Variants in URB2 observed in about 807,000 individuals in gnomAD.
The protein encoded by URB2 is unhealthy ribosome biogenesis protein 2 homolog.
URB2 carries 86 observed loss-of-function variants against 120.9 expected under a neutral mutation model. That is an observed-to-expected ratio of 0.71 (90% CI 0.60 to 0.85). The LOEUF (loss-of-function observed/expected upper bound fraction) is 0.85, where lower values mean the gene tolerates loss of function less well. Among genes scored for constraint, URB2 ranks in the 40% least tolerant of loss-of-function variants. The probability of loss-of-function intolerance (pLI) is 0.00; values close to 1 mark genes in which losing one functional copy is unlikely to be tolerated. For missense variants in URB2, 1,765 were observed against 1,836.5 expected (o/e 0.96, Z 0.71); for synonymous variants, 755 against 758.4 (o/e 1.00, Z 0.07).
chr1:229,634,708 G>C (rs564100361), intron 3 of URB2, among the ~76,000 whole-genome samples: 1 of 152,170 alleles, frequency 6.6e-6, no homozygotes, highest in African/African-American at 2.4e-5. Flanking sequence ...GGTAGAAGAT[G>C]GATGGGTGGA....
intron 7 of URB2, among the ~76,000 whole-genome samples, chr1:229,648,343 A>C (rs181180326): frequency 6.6e-6 from 1 of 152,344 alleles, no homozygotes; most frequent in East Asian, 1.9e-4. Flanking sequence ...TAAGGCATAC[A>C]CAATCTATAC....
At chr1:229,631,121 C>T (rs1463975856) in intron 2 of URB2, among the ~76,000 whole-genome samples, 2 of 152,074 alleles carry the variant, frequency 1.3e-5, no homozygotes, top group Non-Finnish European at 2.9e-5. Context: ...ATAACTTCAC[C>T]TGGAACTTTT....
At position 229,637,488 on chromosome 1, in the gene URB2, C is replaced by G; in HGVS notation, c.2875C>G (p.Arg959Gly). 1 of 1,614,148 alleles carries G rather than the reference C, an allele frequency of 6.2e-7. No homozygotes were observed. The highest frequency in any genetic ancestry group is 8.5e-7 in the Non-Finnish European group (1 of 1,180,040). The change falls in exon 4 of 10, where the codon CGC (arginine) becomes GGC (glycine). Residue 959 changes from arginine (R) to glycine (G), a missense_variant. By Grantham distance (125) the Arg-to-Gly change is moderately radical. Transcript: ENST00000258243. Reference sequence around the variant, plus strand: ...TTACTTGCAAAAGGGGAAAAGTGCTCGCTCTGTGTTCAAGATCATGTATGG... The same window carrying G: ...TTACTTGCAAAAGGGGAAAAGTGCTGGCTCTGTGTTCAAGATCATGTATGG... ...LGYLQKGKSA[R>G]SVFKIMYGSD...
intron 2 of URB2, among the ~76,000 whole-genome samples, chr1:229,630,960 T>A (rs1159517374): frequency 2.5e-5 from 3 of 118,714 alleles, no homozygotes; most frequent in African/African-American, 1.0e-4. Flanking sequence ...CCAGCCTGGG[T>A]GACAAGAGCG....
chr1:229,654,243 C>T lies in URB2; in HGVS notation c.4238-6C>T. 1 of 1,613,418 alleles carries T rather than the reference C, an allele frequency of 6.2e-7. No homozygotes were observed. The highest frequency in any genetic ancestry group is 1.1e-5 in the South Asian group (1 of 91,014). On this transcript the variant is annotated splice_region_variant and splice_polypyrimidine_tract_variant and intron_variant, in intron 8 of 9. Transcript: ENST00000258243. ...AATTGGTTGGGAAACACTTTGTTGT[C>T]TGTAGGAAGCATAGATGACCTGCCT...
At chr1:229,648,412 C>G (rs1014966607) in intron 7 of URB2, among the ~76,000 whole-genome samples, 5 of 152,164 alleles carry the variant, frequency 3.3e-5, no homozygotes, top group Admixed American at 1.3e-4. Flanking sequence ...TTTAAATAAG[C>G]CACTCGCATA....
At chr1:229,652,927 G>A (rs1428817662) in intron 8 of URB2, among the ~76,000 whole-genome samples, 1 of 152,172 alleles carries the variant, frequency 6.6e-6, no homozygotes, top group Non-Finnish European at 1.5e-5. Flanking sequence ...GCTAAGACCT[G>A]GTTCTCAGAC....
chr1:229,652,347 C>T (rs1004232463), intron 8 of URB2, among the ~76,000 whole-genome samples: 1 of 152,152 alleles, frequency 6.6e-6, no homozygotes, highest in Admixed American at 6.5e-5. Flanking sequence ...CTCGGGGTGT[C>T]AGAGAAGAGC....
intron 6 of URB2, among the ~76,000 whole-genome samples, chr1:229,647,289 C>T (rs989263814): frequency 6.6e-6 from 1 of 152,162 alleles, no homozygotes; most frequent in Non-Finnish European, 1.5e-5. Flanking sequence ...GCTGTCCTTC[C>T]TCTTGGGTCT....
intron 5 of URB2, among the ~76,000 whole-genome samples, chr1:229,644,710 T>G (rs1666096165): frequency 6.7e-6 from 1 of 150,328 alleles, no homozygotes. Context: ...GGGAAGAGAG[T>G]GAAAGGCAGA....
At chr1:229,657,358 C>G (rs983779354) in intron 9 of URB2, among the ~76,000 whole-genome samples, 3 of 152,222 alleles carry the variant, frequency 2.0e-5, no homozygotes, top group Non-Finnish European at 4.4e-5. Context: ...TGTCTAGCTG[C>G]ATTTTCACTA....
At chr1:229,649,797 G>A (rs1246247362) in intron 7 of URB2, among the ~76,000 whole-genome samples, 1 of 152,162 alleles carries the variant, frequency 6.6e-6, no homozygotes, top group African/African-American at 2.4e-5. Flanking sequence ...GGCTTAGCTT[G>A]TTCAATCCTC....
At chr1:229,641,260 G>C (rs1228615757) in intron 4 of URB2, among the ~76,000 whole-genome samples, 1 of 152,114 alleles carries the variant, frequency 6.6e-6, no homozygotes, top group Non-Finnish European at 1.5e-5. Flanking sequence ...TGGTCTGCCT[G>C]CCTCAGCCTC....
intron 4 of URB2, among the ~76,000 whole-genome samples, 185 bp from the exon 5 acceptor site, chr1:229,643,348 C>T (rs1333933468): frequency 2.6e-5 from 4 of 152,252 alleles, no homozygotes; most frequent in South Asian, 2.1e-4. Context: ...CGTAGCTGTG[C>T]GTGTGAGAGC....
intron 7 of URB2, among the ~76,000 whole-genome samples, chr1:229,648,460 G>A (rs183008250): frequency 2.7e-4 from 41 of 152,278 alleles, no homozygotes; most frequent in African/African-American, 9.6e-4. Flanking sequence ...TGGATATAGG[G>A]AATGAAGCAT....
rs763292625 is a variant in URB2, at chr1:229,636,237, C to T, written c.1624C>T (p.Leu542=). The T allele has an allele frequency of 4.3e-6, 7 of 1,613,336 alleles. No individual in the cohort carries two copies. The East Asian group carries it at 1.6e-4, about 36-fold the overall frequency. Residue 542 remains leucine (L), a synonymous_variant, in exon 4 of 10, where the codon CTG becomes TTG. Coordinates refer to ENST00000258243, the MANE Select transcript of URB2 (RefSeq NM_014777.4). ...DADMALKSLS[L]SLLLHCIMFN... ...CGACATGGCCCTGAAATCACTGTCA[C>T]TGAGCTTGCTGCTGCACTGCATCAT...
chr1:229,632,502 A>G (rs1313902122), intron 3 of URB2, 57 bp downstream of exon 3: 12 of 1,432,198 alleles, frequency 8.4e-6, no homozygotes, highest in Non-Finnish European at 1.1e-5. Flanking sequence ...TTTCTTGTTA[A>G]TGCTGGAAAC....
chr1:229,630,290 G>A (rs1665626389), intron 2 of URB2, among the ~76,000 whole-genome samples: 1 of 152,182 alleles, frequency 6.6e-6, no homozygotes, highest in African/African-American at 2.4e-5. Flanking sequence ...AATAAGACTT[G>A]AAAGTCAAAA....
Position 229,635,917 on chromosome 1 carries a change from G to A in URB2, c.1304G>A (p.Trp435Ter). 6.2e-7 allele frequency: 1 copy of A among 1,614,214 alleles called. No individual in the cohort carries two copies. Residue 435 changes from tryptophan to a stop codon, truncating the protein, a stop_gained, in exon 4 of 10, where the codon TGG becomes TAG. Coordinates refer to ENST00000258243, the MANE Select transcript of URB2 (RefSeq NM_014777.4). LOFTEE classifies it high-confidence loss of function. ...CTGGATGACCTGCTGGCTTCAGCGT[G>A]GATCGATGCCGAGGTAACAGAGTTT... ...PDLDDLLASAWIDAEVTEFRT... is the reference protein window; with the variant it reads ...PDLDDLLASA
Sources: gnomAD v4.1 joint callset for allele counts (sites outside exome capture counted in the v4.1 genomes callset) on GRCh38, gnomAD v4.1.1 for gene constraint, MANE v1.5 for transcripts, NCBI Gene and HGNC (gene_info 2026-07-23, HGNC 2026-07-21) for gene names.